The following ATP6V0A4 variants were observed in gnomAD, a reference collection of about 807,000 sequenced individuals.
ATP6V0A4 encodes the protein ATPase H+ transporting V0 subunit a4.
A neutral mutation model predicts 107.3 loss-of-function variants in ATP6V0A4; 86 were observed. The observed-to-expected ratio is 0.80, with a 90% CI of 0.67 to 0.96. ATP6V0A4 has a LOEUF of 0.96. ATP6V0A4 is among the 40% of genes least tolerant of loss of function. ATP6V0A4 has a pLI of 0.00. For missense variants in ATP6V0A4, 908 were observed against 1,045.6 expected, an observed-to-expected ratio of 0.87 and a Z score of 1.81; for synonymous variants, 353 against 381.4, an observed-to-expected ratio of 0.93 and a Z score of 0.87.
chr7:138,760,002 C>G, intron 7 of ATP6V0A4, 124 bp from the exon 8 acceptor site: 1 of 1,539,406 alleles, frequency 6.5e-7, no homozygotes, highest in Non-Finnish European at 8.8e-7. Context: ...CAGGAGGGAC[C>G]CCGACACAGC....
chr7:138,759,508 G>C (rs544031528), intron 8 of ATP6V0A4, among the ~76,000 whole-genome samples: 10 of 152,176 alleles, frequency 6.6e-5, no homozygotes, highest in African/African-American at 2.2e-4. Context: ...GAAAAGTATA[G>C]CTATGTCTCT....
At chr7:138,721,305 G>A (rs1434789405) in intron 19 of ATP6V0A4, among the ~76,000 whole-genome samples, 5 of 152,102 alleles carry the variant, frequency 3.3e-5, no homozygotes, top group African/African-American at 4.8e-5. Flanking sequence ...TTGGGAGGCC[G>A]AGGCAGGCAG....
At chr7:138,766,851 A>T (rs780138802) in intron 5 of ATP6V0A4, among the ~76,000 whole-genome samples, 8 of 152,240 alleles carry the variant, frequency 5.3e-5, no homozygotes, top group Non-Finnish European at 8.8e-5. Flanking sequence ...GACAGGCTCT[A>T]TGCTGGTCAA....
chr7:138,715,965 A>G, intron 19 of ATP6V0A4, 84 bp from the exon 20 acceptor site: 17 of 1,558,842 alleles, frequency 1.1e-5, no homozygotes, highest in Non-Finnish European at 1.4e-5. Flanking sequence ...TGAATAAGAC[A>G]TGGGCTTTGC....
chr7:138,756,080 A>G (rs1806498608), intron 9 of ATP6V0A4: 1 of 527,124 alleles, frequency 1.9e-6, no homozygotes. Context: ...CTAAGAATCT[A>G]TTAATGTATT....
At chr7:138,780,693 A>AG (rs1298527940) in intron 2 of ATP6V0A4, among the ~76,000 whole-genome samples, 1 of 152,122 alleles carries the variant, frequency 6.6e-6, no homozygotes, top group Non-Finnish European at 1.5e-5. Context: ...GGCTGGGGAA[A>AG]GAGAGTTTGA....
At chr7:138,752,364 TA>T (rs1329199721) in intron 11 of ATP6V0A4, among the ~76,000 whole-genome samples, 11 of 121,314 alleles carry the variant, frequency 9.1e-5, no homozygotes, top group African/African-American at 3.4e-4. Context: ...AGCGAGATTC[TA>T]TTTTTTTTTT....
At chr7:138,738,860 G>A (rs1162222084) in intron 15 of ATP6V0A4, among the ~76,000 whole-genome samples, 1 of 152,158 alleles carries the variant, frequency 6.6e-6, no homozygotes, top group Non-Finnish European at 1.5e-5. Flanking sequence ...GACAGCATTT[G>A]CCAGGTTCAA....
chr7:138,760,460 A>AAAG (rs539442234), intron 7 of ATP6V0A4, among the ~76,000 whole-genome samples: 37,409 of 144,808 alleles, frequency 0.26, 5,396 homozygotes, highest in African/African-American at 0.31. Context: ...AAAAAAAAAA[A>AAAG]AAAAGAATAT....
rs770905239 is a variant in ATP6V0A4 at position 138,734,242 on chromosome 7, C to G, written c.1585G>C (p.Ala529Pro). The G allele has an allele frequency of 3.7e-6, 6 of 1,613,186 alleles. No individual in the cohort carries two copies. The African/African-American group carries it at 6.7e-5, about 18-fold the overall frequency. ...TTCAGAAATGTGAGTTTGTTTGAAG[C>G]CAAGTTCCAAATCTGGATGGGAAAT... Reference protein sequence around the residue: ...PFGIDPIWNLASNKLTFLNSY... With the variant: ...PFGIDPIWNLPSNKLTFLNSY... Residue 529 changes from alanine (A) to proline (P), a missense_variant, in exon 16 of 22, where the codon GCT becomes CCT. Coordinates refer to ENST00000310018, the MANE Select transcript of ATP6V0A4 (RefSeq NM_020632.3).
rs577597800 is a variant in ATP6V0A4 at position 138,714,515 on chromosome 7, G to A, written c.2257+1249C>T. ...GAGGCCAGGAGTGTGAGATCAGCCT[G>A]GGCAACATAGTGAGACCTTGTCTCT... On this transcript the variant is annotated intron_variant, in intron 20 of 21. Transcript: ENST00000310018. Among the ~76,000 whole-genome samples, 15 of 152,264 alleles carry A rather than the reference G, an allele frequency of 9.9e-5. 1 individual carries two copies. In the South Asian group the frequency reaches 3.1e-3, roughly 32 times the overall value.
At chr7:138,780,721 T>G (rs533595976) in intron 2 of ATP6V0A4, among the ~76,000 whole-genome samples, 1 of 151,974 alleles carries the variant, frequency 6.6e-6, no homozygotes, top group South Asian at 2.1e-4. Flanking sequence ...CTGGGCAACA[T>G]AGTGAGGCCT....
chr7:138,768,856 A>G lies in ATP6V0A4; in HGVS notation c.215T>C (p.Met72Thr). The G allele has an allele frequency of 1.2e-6, 2 of 1,614,178 alleles. No homozygotes were observed. The highest frequency in any genetic ancestry group is 1.7e-6 in the Non-Finnish European group (2 of 1,180,038). The part of the protein sequence containing the change: ...ERILRFLEDE[M>T]QNEIVVQLLE... ...CAACTGAACTACAATCTCATTTTGC[A>G]TCTCGTCTTCCAGAAAACCTGAAGA... The change falls in exon 5 of 22, where the codon ATG (methionine) becomes ACG (threonine). Residue 72 changes from methionine (M) to threonine (T), a missense_variant. Physicochemically the swap from Met to Thr is moderately conservative, Grantham distance 81 (BLOSUM62 -1). Transcript: ENST00000310018.
At chr7:138,710,436 C>T (rs372282634) in intron 20 of ATP6V0A4, among the ~76,000 whole-genome samples, 4 of 152,098 alleles carry the variant, frequency 2.6e-5, no homozygotes, top group Non-Finnish European at 2.9e-5. Flanking sequence ...ATAATCCACC[C>T]GCCTCGGCCT....
At chr7:138,754,448 C>CAA (rs978640948) in intron 10 of ATP6V0A4, among the ~76,000 whole-genome samples, 35 of 73,498 alleles carry the variant, frequency 4.8e-4, no homozygotes, top group African/African-American at 1.2e-3. Context: ...AACTCCATCT[C>CAA]AAAAAAAAAA....
At chr7:138,752,539 C>G in intron 11 of ATP6V0A4, 86 bp downstream of exon 11, 11 of 1,529,144 alleles carry the variant, frequency 7.2e-6, no homozygotes, top group Non-Finnish European at 9.8e-6. Context: ...CACTTGAGTT[C>G]ATGTGGCCCA....
intron 1 of ATP6V0A4, 109 bp downstream of exon 1, chr7:138,797,925 C>A: frequency 6.7e-7 from 1 of 1,485,890 alleles, no homozygotes; most frequent in Non-Finnish European, 9.1e-7. Flanking sequence ...GAAGGTGTGA[C>A]AGGCCAAGTT....
chr7:138,777,746 T>A (rs1181902988), intron 2 of ATP6V0A4, among the ~76,000 whole-genome samples: 5 of 151,980 alleles, frequency 3.3e-5, no homozygotes, highest in African/African-American at 9.7e-5. Context: ...AAAAACCCTG[T>A]ACAGTATATA....
intron 10 of ATP6V0A4, among the ~76,000 whole-genome samples, chr7:138,753,616 T>C (rs532568729): frequency 6.6e-6 from 1 of 152,310 alleles, no homozygotes; most frequent in African/African-American, 2.4e-5. Context: ...AATGGAATCA[T>C]TTTTATGTTT....
Sources: allele counts gnomAD v4.1 joint callset (sites outside exome capture counted in the v4.1 genomes callset), GRCh38; gene constraint gnomAD v4.1.1; transcripts MANE v1.5; gene names NCBI Gene and HGNC (gene_info 2026-07-23, HGNC 2026-07-21).